ZBTB37: variants seen among roughly 807,000 people sequenced by gnomAD.
The protein encoded by ZBTB37 is zinc finger and BTB domain containing 37.
ZBTB37 carries 15 observed loss-of-function variants against 37.7 expected under a neutral mutation model. That is an observed-to-expected ratio of 0.40 (90% CI 0.27 to 0.61). The LOEUF is 0.61. ZBTB37 is among the 20% of genes least tolerant of loss of function. The pLI is 0.44. For synonymous variants in ZBTB37, 231 were observed against 220.6 expected, an observed-to-expected ratio of 1.05 and a Z score of -0.42; for missense variants, 514 against 641.9, an observed-to-expected ratio of 0.80 and a Z score of 2.15.
At chr1:173,875,331 T>TATATA (rs367970109) in intron 4 of ZBTB37, among the ~76,000 whole-genome samples, 13,389 of 131,482 alleles carry the variant, frequency 0.1, 662 homozygotes, top group East Asian at 0.2. Context: ...TATATATATA[T>TATATA]TTTTTTTTTT....
At chr1:173,869,632 A>G (rs1369912934) in intron 2 of ZBTB37, among the ~76,000 whole-genome samples, 1 of 132,464 alleles carries the variant, frequency 7.5e-6, no homozygotes, top group African/African-American at 3.5e-5. Flanking sequence ...TCACAGCCCT[A>G]TAACCAAAGT....
rs574682256 is a variant in ZBTB37 at position 173,874,273 on chromosome 1, A to T, written c.1023+707A>T. On this transcript the variant is annotated intron_variant, in intron 4 of 4. Transcript: ENST00000427304. Reference sequence around the variant, plus strand: ...TCCGTCTCAAAAAAAAAAAAAAAAAAGAAATACAAGGGAACTTTCTTAATC... The same window carrying T: ...TCCGTCTCAAAAAAAAAAAAAAAAATGAAATACAAGGGAACTTTCTTAATC... Among the ~76,000 whole-genome samples the T allele has an allele frequency of 7.3e-5, 11 of 151,624 alleles. No individual in the cohort carries two copies. The East Asian group carries it at 1.9e-3, about 27-fold the overall frequency.
At chr1:173,882,007 T>C (rs1656340882) in intron 4 of ZBTB37, among the ~76,000 whole-genome samples, 1 of 150,848 alleles carries the variant, frequency 6.6e-6, no homozygotes, top group Non-Finnish European at 1.5e-5. Flanking sequence ...TGAGCTGACA[T>C]CACACCACCG....
intron 4 of ZBTB37, among the ~76,000 whole-genome samples, chr1:173,881,103 C>T (rs1018295267): frequency 6.6e-6 from 1 of 151,978 alleles, no homozygotes; most frequent in Non-Finnish European, 1.5e-5. Context: ...ATCCCTCCCC[C>T]CTCCTCCCAC....
In ZBTB37 at chr1:173,872,372, C is replaced by G. The variant is rs375003204; in HGVS notation, c.924-1095C>G. Among the ~76,000 whole-genome samples, 10 of 151,838 alleles carry G rather than the reference C, an allele frequency of 6.6e-5. No individual in the cohort carries two copies. The East Asian group carries it at 1.9e-3, about 30-fold the overall frequency. ...ACAGGTGTGAGCCACTGCGCCCGGCCTTATTTTATTTTATTTTTGAGATGA... is the reference window on the plus strand; with the variant it reads ...ACAGGTGTGAGCCACTGCGCCCGGCGTTATTTTATTTTATTTTTGAGATGA... On this transcript the variant is annotated intron_variant, in intron 3 of 4. Transcript: ENST00000427304.
downstream of ZBTB37, chr1:173,890,222 T>C (rs955783788): frequency 1.3e-5 from 2 of 152,236 alleles, no homozygotes; most frequent in East Asian, 1.9e-4. Flanking sequence ...TCCAGAGTTT[T>C]AGCTGTTACT....
chr1:173,870,090 G>A (rs1348402551), intron 2 of ZBTB37, 110 bp from the exon 3 acceptor site: 1 of 707,560 alleles, frequency 1.4e-6, no homozygotes. Context: ...CTTTTATCTG[G>A]AGATTTTGAA....
At chr1:173,877,921 CTTGAAAA>C (rs886123878) in intron 4 of ZBTB37, among the ~76,000 whole-genome samples, 1 of 152,168 alleles carries the variant, frequency 6.6e-6, no homozygotes, top group Non-Finnish European at 1.5e-5. Flanking sequence ...TACTCTTTTA[CTTGAAAA>C]CATTCTGTAG....
chr1:173,868,671 T>TA (rs960999114), intron 1 of ZBTB37: 1 of 152,508 alleles, frequency 6.6e-6, no homozygotes, highest in Non-Finnish European at 1.5e-5. Flanking sequence ...CACACCCAGA[T>TA]ACGCACACCC....
chr1:173,879,516 C>G (rs1272405236), intron 4 of ZBTB37, among the ~76,000 whole-genome samples: 1 of 152,108 alleles, frequency 6.6e-6, no homozygotes, highest in Non-Finnish European at 1.5e-5. Flanking sequence ...GGTTCAAGAT[C>G]CCCACTTTTA....
chr1:173,877,922 T>G (rs1369037482), intron 4 of ZBTB37, among the ~76,000 whole-genome samples: 1 of 152,212 alleles, frequency 6.6e-6, no homozygotes, highest in Non-Finnish European at 1.5e-5. Context: ...ACTCTTTTAC[T>G]TGAAAACATT....
chr1:173,899,498 G>A (rs1428807832), exon 4 of ZBTB37: 1 of 152,184 alleles, frequency 6.6e-6, no homozygotes, highest in Non-Finnish European at 1.5e-5. Flanking sequence ...CCATAAATCT[G>A]GACAGAAGCC....
exon 4 of ZBTB37, chr1:173,897,251 T>C (rs1014981813): frequency 6.6e-6 from 1 of 152,224 alleles, no homozygotes; most frequent in Non-Finnish European, 1.5e-5. Context: ...TCATTAATTC[T>C]AAAAATCAAA....
At chr1:173,868,815 AT>A (rs1005355003) in intron 1 of ZBTB37, 109 bp from the exon 2 acceptor site, 14 of 153,218 alleles carry the variant, frequency 9.1e-5, no homozygotes, top group Non-Finnish European at 1.5e-5. Flanking sequence ...CCTCAGTGAC[AT>A]TTTGCCCTTT....
downstream of ZBTB37, chr1:173,887,679 C>T (rs1656684129): frequency 6.6e-6 from 1 of 152,132 alleles, no homozygotes; most frequent in African/African-American, 2.4e-5. Flanking sequence ...TGAAAAATCT[C>T]TAGCTTCTGT....
intron 3 of ZBTB37, among the ~76,000 whole-genome samples, chr1:173,873,238 C>T (rs1655690741): frequency 6.6e-6 from 1 of 152,168 alleles, no homozygotes; most frequent in Non-Finnish European, 1.5e-5. Context: ...GCTTCACCAG[C>T]TCATATGTTC....
chr1:173,873,394 G>A, intron 3 of ZBTB37, 73 bp from the exon 4 acceptor site: 1 of 1,454,128 alleles, frequency 6.9e-7, no homozygotes, highest in Non-Finnish European at 9.2e-7. Flanking sequence ...AATAAAGAGG[G>A]GCGACATCAC....
chr1:173,884,658 A>G (rs1656522279), intron 4 of ZBTB37, among the ~76,000 whole-genome samples: 2 of 151,982 alleles, frequency 1.3e-5, no homozygotes, highest in Admixed American at 1.3e-4. Flanking sequence ...TACAAATTGT[A>G]TACATTTTTA....
exon 3 of ZBTB37, chr1:173,870,816 G>A: frequency 1.9e-6 from 3 of 1,614,218 alleles, no homozygotes; most frequent in South Asian, 1.1e-5. Context: ...CCAGCCCTCA[G>A]ATCATTGAAC....
Sources: allele counts gnomAD v4.1 joint callset (sites outside exome capture counted in the v4.1 genomes callset), GRCh38; gene constraint gnomAD v4.1.1; transcripts MANE v1.5; gene names NCBI Gene and HGNC (gene_info 2026-07-23, HGNC 2026-07-21).